PODNL1: variants seen among roughly 807,000 people sequenced by gnomAD.
The protein encoded by PODNL1 is podocan-like protein 1.
In PODNL1, 50 loss-of-function variants were observed where a neutral mutation model predicts 45.1. That is an observed-to-expected ratio of 1.11 (90% CI 0.88 to 1.40). The LOEUF is 1.40. PODNL1 is among the 40% of genes most tolerant of loss of function. The probability of loss-of-function intolerance (pLI) is 0.00; values close to 1 mark genes in which losing one functional copy is unlikely to be tolerated. For missense variants in PODNL1, 788 were observed against 793.3 expected (o/e 0.99, Z 0.08); for synonymous variants, 406 against 372.5 (o/e 1.09, Z -1.04).
At position 13,938,282 on chromosome 19, in the gene PODNL1, C is replaced by A; in HGVS notation, c.-101G>T. On this transcript the variant is annotated 5_prime_UTR_variant, in exon 1 of 10. Transcript: ENST00000588872. Reference sequence around the variant, plus strand: ...GGAGCCTCTGCTGTGGCCACCACCGCCCCCCATCTCCAGACCCATGCCACC... The same window carrying A: ...GGAGCCTCTGCTGTGGCCACCACCGACCCCCATCTCCAGACCCATGCCACC... 6.7e-7 allele frequency: 1 copy of A among 1,495,332 alleles called. No homozygotes were observed. Among genetic ancestry groups the A allele is most frequent in the Non-Finnish European group, 8.9e-7 (1 of 1,121,440 alleles). 92.6% of individuals were successfully genotyped at this position (1,495,332 alleles called of 1,614,324 possible). A position where few individuals can be genotyped will look rare whatever the true frequency, so the allele number is the denominator to read the frequency against.
At chr19:13,936,591 C>A (rs1599434814) in intron 2 of PODNL1, 131 bp from the exon 3 acceptor site, 14 of 680,546 alleles carry the variant, frequency 2.1e-5, no homozygotes, top group Non-Finnish European at 3.6e-5. Context: ...ATCCCAAACA[C>A]CCCATCACTC....
At chr19:13,941,447 G>A (rs570293594), upstream of PODNL1, among the ~76,000 whole-genome samples, 2 of 152,206 alleles carry the variant, frequency 1.3e-5, no homozygotes, top group South Asian at 4.1e-4. Context: ...CAGAAGCAGA[G>A]CTTGAGACAA....
chr19:13,946,338 G>A (rs1599449597), intron 1 of PODNL1, among the ~76,000 whole-genome samples: 1 of 151,864 alleles, frequency 6.6e-6, no homozygotes, highest in African/African-American at 2.4e-5. Flanking sequence ...GCTGAGGCAG[G>A]AGAATTGCTT....
chr19:13,952,106 C>T (rs974369694), intron 1 of PODNL1, among the ~76,000 whole-genome samples: 51 of 152,354 alleles, frequency 3.3e-4, no homozygotes, highest in Non-Finnish European at 4.4e-4. Context: ...GCGGGCAGCC[C>T]GGGGCTGAGG....
At chr19:13,953,080 C>G (rs767234352) in intron 1 of PODNL1, 1 of 1,550,584 alleles carries the variant, frequency 6.4e-7, no homozygotes. Flanking sequence ...CCTCTCCCTG[C>G]CCAAGCCCCG....
In PODNL1 at chr19:13,933,738, A is replaced by G. The variant is rs1972129036; in HGVS notation, c.767+140T>C. The G allele has an allele frequency of 5.4e-6, 4 of 745,666 alleles. No homozygotes were observed. The highest frequency in any genetic ancestry group is 1.7e-5 in the African/African-American group (1 of 57,492). The allele number at this position is 745,666 out of a possible 1,614,324, so 46.2% of individuals were successfully genotyped here. On this transcript the variant is annotated intron_variant, in intron 7 of 9. Transcript: ENST00000588872. The surrounding 1 kb of genome is among the most constrained non-coding windows in gnomAD (Gnocchi z 5.2). ...CTGTGGGGAACAGGGACACCTACCC[A>G]GTGCTCTGCCGAGCCCAGTGAGCAG...
rs888257358 is a variant in PODNL1 at position 13,933,148 on chromosome 19, G to T, written c.1075C>A (p.Pro359Thr). Residue 359 changes from proline to threonine, a missense_variant, in exon 8 of 10, where the codon CCC (proline) becomes ACC (threonine). Around this residue, in one of 3 missense-constraint regions of PODNL1, gnomAD observed 762 missense variants for 750.9 expected, o/e 1.01. Coordinates refer to ENST00000588872, the MANE Select transcript of PODNL1 (RefSeq NM_001370095.3). The surrounding 1 kb of genome is among the most constrained non-coding windows in gnomAD (Gnocchi z 5.2). The part of the protein sequence containing the change: ...LPRRLRALVL[P>T]HNHVAALGAR... The stretch of plus-strand genomic sequence containing the variant: ...CCCAGCGCGGCCACGTGGTTGTGGG[G>T]CAGCACCAGGGCACGCAGGCGGCGG... 1.3e-6 allele frequency: 2 copies of T among 1,530,140 alleles called. No individual in the cohort carries two copies. The highest frequency in any genetic ancestry group is 1.7e-6 in the Non-Finnish European group (2 of 1,143,424). The allele number at this position is 1,530,140 out of a possible 1,614,324, so 94.8% of individuals were successfully genotyped here. A position where few individuals can be genotyped will look rare whatever the true frequency, so the allele number is the denominator to read the frequency against.
At chr19:13,942,738 C>G (rs1005245217), upstream of PODNL1, among the ~76,000 whole-genome samples, 9 of 152,164 alleles carry the variant, frequency 5.9e-5, no homozygotes, top group Admixed American at 5.9e-4. Flanking sequence ...AATCCCAGCA[C>G]TTTGGGAGGC....
At chr19:13,944,764 T>G (rs561372671) in intron 1 of PODNL1, among the ~76,000 whole-genome samples, 5 of 130,492 alleles carry the variant, frequency 3.8e-5, no homozygotes, top group East Asian at 4.1e-4. Context: ...CTGTTTGGGG[T>G]TTTTTTTTTG....
At chr19:13,944,064 G>T (rs971720461) in intron 1 of PODNL1, among the ~76,000 whole-genome samples, 2 of 152,048 alleles carry the variant, frequency 1.3e-5, no homozygotes, top group South Asian at 4.1e-4. Context: ...GCTAGCTCTG[G>T]GGGGAGACCT....
intron 1 of PODNL1, among the ~76,000 whole-genome samples, chr19:13,945,671 G>A (rs370881908): frequency 1.3e-5 from 2 of 152,014 alleles, no homozygotes; most frequent in South Asian, 2.1e-4. Context: ...ATTTTTAGTA[G>A]AGACACGGTT....
intron 8 of PODNL1, chr19:13,932,505 G>C: frequency 1.4e-6 from 1 of 694,890 alleles, no homozygotes; most frequent in Non-Finnish European, 2.3e-6. Context: ...GGGACTACAG[G>C]CATGTGCCAC....
chr19:13,942,969 C>G (rs1568441721), upstream of PODNL1, among the ~76,000 whole-genome samples: 1 of 151,262 alleles, frequency 6.6e-6, no homozygotes, highest in South Asian at 2.1e-4. Context: ...CCACTGCACT[C>G]CAGCCTGGGT....
At chr19:13,949,484 A>G (rs1255464536) in intron 1 of PODNL1, 1 of 151,702 alleles carries the variant, frequency 6.6e-6, no homozygotes, top group Non-Finnish European at 1.5e-5. Flanking sequence ...TGAAAAAAAA[A>G]TGTTTTTTCA....
chr19:13,934,358 C>T lies in PODNL1; in HGVS notation c.547G>A (p.Ala183Thr), dbSNP rs762283289. The change falls in exon 6 of 10, where the codon GCC becomes ACC. Residue 183 changes from alanine (A) to threonine (T), a missense_variant. Ala to Thr is a moderately conservative substitution (Grantham distance 58). Around this residue, in one of 3 missense-constraint regions of PODNL1, gnomAD observed 762 missense variants for 750.9 expected, o/e 1.01. Coordinates refer to ENST00000588872, the MANE Select transcript of PODNL1 (RefSeq NM_001370095.3). ...GCGATGGCCTCGGAGCCGCGGAAGG[C>T]GTCGGGGGGCAGGCCAGCGTTGCTC... ...QLSNAGLPPD[A>T]FRGSEAIATL... 1.2e-5 allele frequency: 18 copies of T among 1,552,806 alleles called. No homozygotes were observed. The South Asian group carries it at 1.5e-4, about 13-fold the overall frequency.
chr19:13,933,193 G>A lies in PODNL1; in HGVS notation c.1030C>T (p.Arg344Cys), dbSNP rs751151283. The part of the protein sequence containing the change: ...TLHLYGNGLD[R>C]VPPALPRRLR... ...CGGCGGGGCAGGGCTGGAGGCACGC[G>A]GTCCAGCCCATTGCCATAGAGGTGC... Residue 344 changes from arginine (R) to cysteine (C), a missense_variant, in exon 8 of 10, where the codon CGC (arginine) becomes TGC (cysteine). Transcript: ENST00000588872. The surrounding 1 kb of genome is among the most constrained non-coding windows in gnomAD (Gnocchi z 5.2). 1.3e-5 allele frequency: 20 copies of A among 1,535,442 alleles called. No homozygotes were observed. The highest frequency in any genetic ancestry group is 8.2e-5 in the African/African-American group (6 of 73,062).
At chr19:13,952,544 G>C in intron 1 of PODNL1, 1 of 1,261,812 alleles carries the variant, frequency 7.9e-7, no homozygotes, top group Non-Finnish European at 1.0e-6. Context: ...GAGCGGAACA[G>C]CGGGGCTGGG....
chr19:13,941,405 G>T (rs529041289), upstream of PODNL1, among the ~76,000 whole-genome samples: 11 of 151,984 alleles, frequency 7.2e-5, no homozygotes, highest in Admixed American at 2.0e-4. Context: ...TGCTCAGCTT[G>T]GGAGTGGCCA....
At chr19:13,940,311 C>T (rs943761850), upstream of PODNL1, among the ~76,000 whole-genome samples, 4 of 151,894 alleles carry the variant, frequency 2.6e-5, no homozygotes, top group African/African-American at 7.3e-5. Flanking sequence ...GTGGCTCACA[C>T]CTGTAATCCC....
Sources: allele counts gnomAD v4.1 joint callset (sites outside exome capture counted in the v4.1 genomes callset), GRCh38; gene constraint gnomAD v4.1.1; regional missense constraint gnomAD v4.1.1; non-coding constraint Gnocchi (gnomAD v3.1); transcripts MANE v1.5; gene names NCBI Gene and HGNC (gene_info 2026-07-23, HGNC 2026-07-21).